Variants in SGCD observed in about 807,000 individuals in gnomAD.
The protein encoded by SGCD is sarcoglycan delta, also known as delta-sarcoglycan.
SGCD carries 18 observed loss-of-function variants against 36.6 expected under a neutral mutation model. That is an observed-to-expected ratio of 0.49 (90% CI 0.34 to 0.73). The LOEUF is 0.73. SGCD is among the 30% of genes least tolerant of loss of function. The pLI, the probability that SGCD is intolerant of heterozygous loss-of-function variation, is 0.01. For synonymous variants in SGCD, 133 were observed against 130.6 expected, an observed-to-expected ratio of 1.02 and a Z score of -0.12; for missense variants, 387 against 346.7, an observed-to-expected ratio of 1.12 and a Z score of -0.92.
intron 1 of SGCD, among the ~76,000 whole-genome samples, chr5:156,091,916 G>A (rs566592834): frequency 6.6e-6 from 1 of 152,380 alleles, no homozygotes; most frequent in South Asian, 2.1e-4. Flanking sequence ...TGGTTGTTCA[G>A]TCCAACTGTT....
intron 1 of SGCD, among the ~76,000 whole-genome samples, chr5:156,088,597 T>G (rs902351005): frequency 6.6e-6 from 1 of 152,094 alleles, no homozygotes; most frequent in East Asian, 1.9e-4. Flanking sequence ...CCACCTGGAC[T>G]CAAGTGATCC....
intron 1 of SGCD, among the ~76,000 whole-genome samples, chr5:155,888,507 A>G (rs1261996711): frequency 6.6e-6 from 1 of 152,214 alleles, no homozygotes; most frequent in Non-Finnish European, 1.5e-5. Flanking sequence ...GGGAATAGGG[A>G]CGCAAAGAAG....
intron 3 of SGCD, among the ~76,000 whole-genome samples, chr5:156,232,670 C>A (rs925229051): frequency 2.6e-5 from 4 of 152,320 alleles, no homozygotes; most frequent in East Asian, 1.9e-4. Flanking sequence ...TGAAATCTTA[C>A]AGGAACTGTA....
intron 1 of SGCD, among the ~76,000 whole-genome samples, chr5:155,908,219 C>T (rs1361618502): frequency 1.3e-5 from 2 of 152,020 alleles, no homozygotes; most frequent in Non-Finnish European, 2.9e-5. Flanking sequence ...AAAACCAAAA[C>T]GGTTGTTACT....
At chr5:156,333,818 T>C (rs1348208233) in intron 2 of SGCD, among the ~76,000 whole-genome samples, 2 of 135,350 alleles carry the variant, frequency 1.5e-5, no homozygotes, top group Non-Finnish European at 3.1e-5. Context: ...TTTTTTTTTT[T>C]TTGCTATTTG....
chr5:156,709,817 T>C lies in SGCD; in HGVS notation c.576-47764T>C, dbSNP rs141127651. ...GGCAGTTGAAACTTCTTGGTACTTA[T>C]GTTCCTGCCGCCCCCTCCCCCCCGA... On this transcript the variant is annotated intron_variant, in intron 7 of 8. Coordinates refer to ENST00000337851, the MANE Select transcript of SGCD (RefSeq NM_000337.6). 2.0e-3 allele frequency among the ~76,000 whole-genome samples: 279 copies of C among 138,400 alleles called. 2 individuals are homozygous for C. Among genetic ancestry groups the C allele is most frequent in the African/African-American group, 7.3e-3 (263 of 36,182 alleles). 90.8% of individuals were successfully genotyped at this position (138,400 alleles called of 152,430 possible). A position where few individuals can be genotyped will look rare whatever the true frequency, so the allele number is the denominator to read the frequency against.
chr5:155,814,037 G>A, the SGCD span, among the ~76,000 whole-genome samples: 3 of 152,158 alleles, frequency 2.0e-5, no homozygotes, highest in Non-Finnish European at 4.4e-5. Context: ...AGTCAAGTGT[G>A]GGGGAATGGG....
At chr5:156,545,673 C>T (rs1448980360) in intron 4 of SGCD, among the ~76,000 whole-genome samples, 5 of 152,138 alleles carry the variant, frequency 3.3e-5, no homozygotes, top group South Asian at 4.1e-4. Context: ...CAGTAATGCT[C>T]ACTCGCCTGC....
intron 2 of SGCD, among the ~76,000 whole-genome samples, chr5:156,334,994 A>G (rs1768270824): frequency 1.3e-5 from 2 of 152,202 alleles, no homozygotes; most frequent in Non-Finnish European, 2.9e-5. Flanking sequence ...TTCAGACCCT[A>G]ACCAAGTTAC....
Position 156,067,662 on chromosome 5 carries a change from G to A in SGCD, c.-281-50216G>A, listed in dbSNP as rs865925846. 8.7e-5 allele frequency among the ~76,000 whole-genome samples: 10 copies of A among 115,512 alleles called. 1 individual carries two copies. Among genetic ancestry groups the A allele is most frequent in the African/African-American group, 1.7e-4 (3 of 17,700 alleles). The allele number at this position is 115,512 out of a possible 152,430, so 75.8% of individuals were successfully genotyped here. On this transcript the variant is annotated intron_variant, in intron 1 of 9. Transcript: ENST00000517913. ...CTCGTGGTGCGCCGTTTCTTAAGCC[G>A]GTCTGAAAAGCGCAATATTCGGGTG...
intron 6 of SGCD, among the ~76,000 whole-genome samples, chr5:156,610,789 G>A (rs1761760519): frequency 6.6e-6 from 1 of 152,238 alleles, no homozygotes. Flanking sequence ...TTTGATCTCA[G>A]ACTCCTGTGC....
At chr5:156,404,259 C>T (rs1580937360) in intron 3 of SGCD, among the ~76,000 whole-genome samples, 1 of 152,174 alleles carries the variant, frequency 6.6e-6, no homozygotes, top group Admixed American at 6.5e-5. Context: ...CATAGGCATT[C>T]TCTCTATTTG....
chr5:156,676,641 T>C (rs1056920762), intron 7 of SGCD, among the ~76,000 whole-genome samples: 16 of 152,066 alleles, frequency 1.1e-4, no homozygotes, highest in African/African-American at 3.6e-4. Flanking sequence ...TGATGAGCCC[T>C]GGGGATACAG....
chr5:155,996,140 C>A (rs1374506600), intron 1 of SGCD, among the ~76,000 whole-genome samples: 1 of 151,660 alleles, frequency 6.6e-6, no homozygotes, highest in Non-Finnish European at 1.5e-5. Flanking sequence ...GTCTTAGGTT[C>A]AGGGTTAGTT....
chr5:155,803,807 A>G, the SGCD span, among the ~76,000 whole-genome samples: 13 of 152,168 alleles, frequency 8.5e-5, no homozygotes, highest in Admixed American at 8.5e-4. Flanking sequence ...TCGTTCCTTC[A>G]GTGATGGAGC....
intron 4 of SGCD, among the ~76,000 whole-genome samples, chr5:156,538,398 T>A (rs190945309): frequency 6.6e-6 from 1 of 152,168 alleles, no homozygotes; most frequent in Non-Finnish European, 1.5e-5. Flanking sequence ...CAAGAATGAT[T>A]TTTTTTCTCT....
chr5:156,355,476 T>C (rs1769449906), intron 3 of SGCD, among the ~76,000 whole-genome samples: 1 of 152,192 alleles, frequency 6.6e-6, no homozygotes, highest in Non-Finnish European at 1.5e-5. Context: ...TCTGAGACTG[T>C]GCTAGATTTT....
intron 1 of SGCD, among the ~76,000 whole-genome samples, chr5:156,076,107 G>A (rs1440710786): frequency 6.6e-6 from 1 of 151,648 alleles, no homozygotes; most frequent in Non-Finnish European, 1.5e-5. Flanking sequence ...ACTATCTCGC[G>A]GTCGCCATAC....
At position 156,448,731 on chromosome 5, in the gene SGCD, C is replaced by CTTTTTTTTTT. The variant is rs1158844774; in HGVS notation, c.193-59851_193-59842dup. 6.2e-4 allele frequency among the ~76,000 whole-genome samples: 47 copies of CTTTTTTTTTT among 76,052 alleles called. 1 individual carries two copies. The highest frequency in any genetic ancestry group is 1.5e-3 in the African/African-American group (24 of 16,394). 49.9% of individuals were successfully genotyped at this position (76,052 alleles called of 152,430 possible). The stretch of plus-strand genomic sequence containing the variant: ...GTGGGAGAAGTTTCTTTTTCTTTTT[C>CTTTTTTTTTT]TTTTTTTTTTTTTTTTTTTTTTTTT... On this transcript the variant is annotated intron_variant, in intron 3 of 8. Transcript: ENST00000337851.
Sources: gnomAD v4.1 joint callset for allele counts (sites outside exome capture counted in the v4.1 genomes callset) on GRCh38, gnomAD v4.1.1 for gene constraint, MANE v1.5 for transcripts, NCBI Gene and HGNC (gene_info 2026-07-23, HGNC 2026-07-21) for gene names.